The following SOX5 variants were observed in gnomAD, a reference collection of about 807,000 sequenced individuals.
SOX5 encodes transcription factor SOX-5.
Under a neutral mutation model 92.0 loss-of-function variants are expected in SOX5, and 9 were observed. The ratio of observed to expected loss-of-function variants is 0.10; its 90% confidence interval spans 0.06 to 0.17. SOX5 has a LOEUF of 0.17. Ranked by LOEUF, SOX5 falls within the 10% of genes least tolerant of loss-of-function variation. The probability of loss-of-function intolerance (pLI) is 1.00; values close to 1 mark genes in which losing one functional copy is unlikely to be tolerated. For synonymous variants in SOX5, 344 were observed against 336.3 expected (o/e 1.02, Z -0.25); for missense variants, 642 against 944.5 (o/e 0.68, Z 4.20).
intron 4 of SOX5, among the ~76,000 whole-genome samples, chr12:24,030,039 G>T (rs536170477): frequency 6.6e-6 from 1 of 152,046 alleles, no homozygotes; most frequent in African/African-American, 2.4e-5. Flanking sequence ...TTACCGAAGA[G>T]AAATTGAAGC....
At chr12:23,671,216 A>T (rs1224758288) in intron 6 of SOX5, among the ~76,000 whole-genome samples, 2 of 152,300 alleles carry the variant, frequency 1.3e-5, no homozygotes, top group East Asian at 3.9e-4. Context: ...TAAATTACAT[A>T]CACAAATGTT....
intron 1 of SOX5, among the ~76,000 whole-genome samples, chr12:24,376,701 T>G (rs1957311135): frequency 3.8e-5 from 1 of 26,044 alleles, no homozygotes; most frequent in Non-Finnish European, 9.4e-5. Flanking sequence ...TTTTTTTTTT[T>G]TTTTTTTTTT....
At chr12:24,308,193 C>T (rs937093569) in intron 2 of SOX5, among the ~76,000 whole-genome samples, 1 of 152,120 alleles carries the variant, frequency 6.6e-6, no homozygotes, top group Non-Finnish European at 1.5e-5. Flanking sequence ...AGTGAGCATG[C>T]GTAGAACTCC....
chr12:23,835,862 A>G (rs2096406446), intron 3 of SOX5, among the ~76,000 whole-genome samples: 1 of 151,738 alleles, frequency 6.6e-6, no homozygotes, highest in Non-Finnish European at 1.5e-5. Flanking sequence ...TTTAAAACAT[A>G]TTTAATTATC....
intron 6 of SOX5, among the ~76,000 whole-genome samples, chr12:23,692,402 A>C (rs1032198515): frequency 8.7e-5 from 13 of 149,546 alleles, no homozygotes; most frequent in African/African-American, 2.7e-4. Context: ...GCACCACTGC[A>C]CTTCAGCCTG....
intron 4 of SOX5, among the ~76,000 whole-genome samples, chr12:24,030,174 C>A (rs971352590): frequency 6.6e-6 from 1 of 151,866 alleles, no homozygotes. Context: ...TTGTAAAACA[C>A]AAATAATACT....
At position 24,108,322 on chromosome 12, in the gene SOX5, T is replaced by A. The variant is rs1239708417; in HGVS notation, c.-2+105021A>T. Among the ~76,000 whole-genome samples, 5 of 151,996 alleles carry A rather than the reference T, an allele frequency of 3.3e-5. No individual in the cohort carries two copies. In the East Asian group the frequency reaches 5.8e-4, roughly 18 times the overall value. Reference sequence around the variant, plus strand: ...AATTATAGTTTTTCCATCCTTTTTTTATTCCTATTTCCTATCTCCTCATTT... The same window carrying A: ...AATTATAGTTTTTCCATCCTTTTTTAATTCCTATTTCCTATCTCCTCATTT... On this transcript the variant is annotated intron_variant, in intron 4 of 4. Transcript: ENST00000446891.
chr12:23,844,834 A>C (rs2096557184), intron 3 of SOX5, among the ~76,000 whole-genome samples: 2 of 152,198 alleles, frequency 1.3e-5, no homozygotes. Context: ...TTAAACACAT[A>C]AGGTTGTCTG....
At chr12:23,770,230 C>CT (rs1411714993) in intron 3 of SOX5, among the ~76,000 whole-genome samples, 1 of 151,842 alleles carries the variant, frequency 6.6e-6, no homozygotes, top group East Asian at 1.9e-4. Flanking sequence ...ACTTTCTAGC[C>CT]CCCAAATTGT....
intron 1 of SOX5, among the ~76,000 whole-genome samples, chr12:23,924,311 TG>T (rs1205963216): frequency 6.6e-6 from 1 of 152,188 alleles, no homozygotes; most frequent in African/African-American, 2.4e-5. Context: ...CTGTAGCTAC[TG>T]TTGTAGCAAT....
At chr12:24,203,908 C>T (rs968469771) in intron 4 of SOX5, among the ~76,000 whole-genome samples, 2 of 152,042 alleles carry the variant, frequency 1.3e-5, no homozygotes, top group African/African-American at 4.8e-5. Flanking sequence ...GTGGGGTACC[C>T]TGAATACTCT....
intron 4 of SOX5, among the ~76,000 whole-genome samples, chr12:24,042,627 C>T (rs2137010881): frequency 6.6e-6 from 1 of 152,108 alleles, no homozygotes; most frequent in Non-Finnish European, 1.5e-5. Flanking sequence ...TAGTGATAGC[C>T]AGCAGCAATG....
In SOX5 at chr12:23,652,517, G is replaced by GTTTTTTTTT. The variant is rs3030242; in HGVS notation, c.932-11629_932-11621dup. ...GACTGTAGCCTAGACCTCTTCTACT[G>GTTTTTTTTT]TTTTTTTTTTTTTTTGAGCAATTCT... On this transcript the variant is annotated intron_variant, in intron 7 of 14. Coordinates refer to ENST00000451604, the MANE Select transcript of SOX5 (RefSeq NM_006940.6). Among the ~76,000 whole-genome samples the GTTTTTTTTT allele has an allele frequency of 1.1e-4, 15 of 140,072 alleles. 1 individual carries two copies. The highest frequency in any genetic ancestry group is 4.0e-4 in the African/African-American group (15 of 37,590). The allele number at this position is 140,072 out of a possible 152,430, so 91.9% of individuals were successfully genotyped here.
chr12:23,683,308 C>T (rs1009688871), intron 6 of SOX5, among the ~76,000 whole-genome samples: 1 of 151,746 alleles, frequency 6.6e-6, no homozygotes, highest in Non-Finnish European at 1.5e-5. Context: ...TCAGTACATT[C>T]CATTTTATAT....
At chr12:23,643,400 T>A (rs1485127818) in intron 7 of SOX5, among the ~76,000 whole-genome samples, 2 of 152,220 alleles carry the variant, frequency 1.3e-5, no homozygotes. Flanking sequence ...TTTGAAATTA[T>A]GATTAGATAT....
intron 3 of SOX5, among the ~76,000 whole-genome samples, chr12:23,796,913 A>T (rs1261984219): frequency 6.8e-6 from 1 of 146,894 alleles, no homozygotes; most frequent in Non-Finnish European, 1.5e-5. Flanking sequence ...ATATTTATAT[A>T]TATATATACT....
intron 9 of SOX5, among the ~76,000 whole-genome samples, chr12:23,600,401 A>G (rs1168144404): frequency 1.3e-5 from 2 of 151,532 alleles, no homozygotes; most frequent in African/African-American, 4.8e-5. Context: ...TGCTGAAGAG[A>G]CAAGCGTATG....
chr12:23,807,291 G>A lies in SOX5; in HGVS notation c.481+38692C>T, dbSNP rs539726924. Among the ~76,000 whole-genome samples the A allele has an allele frequency of 2.6e-4, 40 of 152,302 alleles. 1 individual carries two copies. The highest frequency in any genetic ancestry group is 2.4e-3 in the Admixed American group (36 of 15,290). On this transcript the variant is annotated intron_variant, in intron 3 of 14. Coordinates refer to ENST00000451604, the MANE Select transcript of SOX5 (RefSeq NM_006940.6). The stretch of plus-strand genomic sequence containing the variant: ...GAAAATTCTAATACCCAGCGACTAT[G>A]AATGTAACCTTACTTGGGACACTTC...
chr12:24,529,482 TAC>T (rs2138622516), intron 1 of SOX5, among the ~76,000 whole-genome samples: 1 of 152,238 alleles, frequency 6.6e-6, no homozygotes, highest in South Asian at 2.1e-4. Context: ...AAAGAAAATA[TAC>T]ACATCATCCC....
Sources: gnomAD v4.1 joint callset for allele counts (sites outside exome capture counted in the v4.1 genomes callset) on GRCh38, gnomAD v4.1.1 for gene constraint, MANE v1.5 for transcripts, NCBI Gene and HGNC (gene_info 2026-07-23, HGNC 2026-07-21) for gene names.